Variants in XCR1 observed in about 807,000 individuals in gnomAD.
The protein encoded by XCR1 is chemokine XC receptor 1.
For synonymous variants in XCR1, 187 were observed against 188.5 expected (o/e 0.99, Z 0.06); for missense variants, 356 against 424.2 (o/e 0.84, Z 1.41).
At chr3:46,027,956 C>T (rs1017522504), upstream of XCR1, among the ~76,000 whole-genome samples, 5 of 152,230 alleles carry the variant, frequency 3.3e-5, no homozygotes, top group African/African-American at 1.2e-4. Context: ...CAAGCTTTCA[C>T]TTCAGCCCCC....
chr3:46,072,917 G>A (rs1005821386), intron 3 of XCR1, among the ~76,000 whole-genome samples: 12 of 152,110 alleles, frequency 7.9e-5, no homozygotes, highest in Non-Finnish European at 1.8e-4. Context: ...TAGTATAAAG[G>A]TAGACATATA....
At position 46,021,883 on chromosome 3, in the gene XCR1, C is replaced by T. The variant is rs1486998978; in HGVS notation, c.65G>A (p.Cys22Tyr). ...AGCAAAGACCCAGGCCTGGTTCTCA[C>T]ACGGCTGGCTCTGAAGGTCATAGTA... The part of the protein sequence containing the change: ...FFYYDLQSQP[C>Y]ENQAWVFATL... Residue 22 changes from cysteine to tyrosine, a missense_variant, in exon 2 of 2, where the codon TGT becomes TAT. Coordinates refer to ENST00000309285, the MANE Select transcript of XCR1 (RefSeq NM_001024644.2). The surrounding 1 kb of genome is among the most constrained non-coding windows in gnomAD (Gnocchi z 4.7). The T allele has an allele frequency of 6.2e-7, 1 of 1,614,122 alleles. No individual in the cohort carries two copies. Among genetic ancestry groups the T allele is most frequent in the Admixed American group, 1.7e-5 (1 of 60,024 alleles).
At chr3:46,028,041 G>A (rs368697418), upstream of XCR1, among the ~76,000 whole-genome samples, 11 of 152,240 alleles carry the variant, frequency 7.2e-5, no homozygotes, top group Non-Finnish European at 1.0e-4. Flanking sequence ...CAATCAGCAC[G>A]TATTTCCTCA....
At chr3:46,043,717 TACACACACACACACACACACACACAC>T (rs144432920) in intron 5 of XCR1, among the ~76,000 whole-genome samples, 15,189 of 141,574 alleles carry the variant, frequency 0.11, 2,613 homozygotes, top group African/African-American at 0.37. Flanking sequence ...ACCTCATCTC[TACACACACACACACACACACACACAC>T]ACACACACAC....
intron 1 of XCR1, among the ~76,000 whole-genome samples, chr3:46,079,676 A>T (rs2125904388): frequency 6.6e-6 from 1 of 152,270 alleles, no homozygotes; most frequent in Middle Eastern, 3.4e-3. Context: ...CCACAGCAAG[A>T]GGTGAGACCA....
chr3:46,079,748 C>G (rs1182253318), intron 1 of XCR1, among the ~76,000 whole-genome samples: 1 of 152,172 alleles, frequency 6.6e-6, no homozygotes, highest in Admixed American at 6.5e-5. Context: ...ACTTCCCTGA[C>G]CTGCTCCAAG....
chr3:46,041,041 A>G (rs980530482), intron 5 of XCR1, among the ~76,000 whole-genome samples: 1 of 152,002 alleles, frequency 6.6e-6, no homozygotes, highest in African/African-American at 2.4e-5. Flanking sequence ...CTTTTGAGCC[A>G]TTTATAGCCT....
intron 3 of XCR1, among the ~76,000 whole-genome samples, chr3:46,069,511 C>T (rs891118601): frequency 6.6e-6 from 1 of 152,122 alleles, no homozygotes; most frequent in African/African-American, 2.4e-5. Context: ...TATCTCCATG[C>T]AGTTGAAAAT....
intron 5 of XCR1, among the ~76,000 whole-genome samples, chr3:46,051,113 C>A (rs999765544): frequency 4.6e-5 from 7 of 152,152 alleles, no homozygotes; most frequent in African/African-American, 1.7e-4. Flanking sequence ...ATATCAATGA[C>A]CCCCGTCAGA....
At chr3:46,057,878 GTCTGTCTA>G (rs1310521062) in intron 4 of XCR1, among the ~76,000 whole-genome samples, 37 of 124,292 alleles carry the variant, frequency 3.0e-4, no homozygotes, top group Middle Eastern at 4.2e-3. Context: ...CATCTTATCT[GTCTGTCTA>G]TCTATCTATC....
chr3:46,036,052 G>A (rs1697425328), intron 5 of XCR1, among the ~76,000 whole-genome samples: 1 of 152,190 alleles, frequency 6.6e-6, no homozygotes, highest in Non-Finnish European at 1.5e-5. Flanking sequence ...TTTGGTGATT[G>A]TGTGTGTATC....
At position 46,081,773 on chromosome 3, in the gene XCR1, G is replaced by A. The variant is rs181010014; in HGVS notation, c.-515+4021C>T. 3.0e-3 allele frequency among the ~76,000 whole-genome samples: 452 copies of A among 151,882 alleles called. 1 individual carries two copies. The highest frequency in any genetic ancestry group is 9.1e-3 in the Admixed American group (139 of 15,266). Reference sequence around the variant, plus strand: ...TTATAAGGGCATATTGTGTGATGCCGAGGTTGGGGTGTGGTTGAACCCGTC... The same window carrying A: ...TTATAAGGGCATATTGTGTGATGCCAAGGTTGGGGTGTGGTTGAACCCGTC... On this transcript the variant is annotated intron_variant, in intron 1 of 5. Transcript: ENST00000683768.
At chr3:46,025,540 A>G (rs1324701073) in intron 1 of XCR1, among the ~76,000 whole-genome samples, 1 of 152,258 alleles carries the variant, frequency 6.6e-6, no homozygotes, top group Non-Finnish European at 1.5e-5. Flanking sequence ...AAATATTATG[A>G]TCAATTTTAT....
At chr3:46,063,264 C>T (rs73830721) in intron 4 of XCR1, among the ~76,000 whole-genome samples, 2,353 of 152,144 alleles carry the variant, frequency 0.015, 51 homozygotes, top group African/African-American at 0.052. Flanking sequence ...CCTGATCTAA[C>T]AATAGTGGGA....
intron 1 of XCR1, chr3:46,024,097 C>T (rs1708236657): frequency 2.5e-6 from 2 of 792,724 alleles, no homozygotes; most frequent in Admixed American, 2.1e-5. Context: ...TTTTACATCT[C>T]CAGAACTTCC....
intron 1 of XCR1, among the ~76,000 whole-genome samples, chr3:46,027,023 G>T (rs987419887): frequency 6.6e-6 from 1 of 151,970 alleles, no homozygotes; most frequent in Non-Finnish European, 1.5e-5. Context: ...TGGTAGTACA[G>T]ATGTGTGCTA....
intron 2 of XCR1, among the ~76,000 whole-genome samples, chr3:46,075,308 C>CAAAAAAAAAACA (rs1698238514): frequency 1.6e-5 from 1 of 61,676 alleles, no homozygotes; most frequent in African/African-American, 6.9e-5. Flanking sequence ...GCTCATAGAC[C>CAAAAAAAAAACA]AAAAAAAAAA....
chr3:46,025,412 TAAAGAA>T (rs1250810450), intron 1 of XCR1, among the ~76,000 whole-genome samples: 93 of 149,420 alleles, frequency 6.2e-4, no homozygotes, highest in African/African-American at 2.2e-3. Flanking sequence ...TCAAAAGAAA[TAAAGAA>T]AGAGAGAGAG....
intron 5 of XCR1, among the ~76,000 whole-genome samples, chr3:46,034,324 C>T (rs1438272309): frequency 6.6e-6 from 1 of 152,196 alleles, no homozygotes; most frequent in Non-Finnish European, 1.5e-5. Context: ...TTGCCTTCTG[C>T]AGGCTTGCTA....
Sources: allele counts gnomAD v4.1 joint callset (sites outside exome capture counted in the v4.1 genomes callset), GRCh38; gene constraint gnomAD v4.1.1; non-coding constraint Gnocchi (gnomAD v3.1); transcripts MANE v1.5; gene names NCBI Gene and HGNC (gene_info 2026-07-23, HGNC 2026-07-21).